KIF16B: variants seen among roughly 807,000 people sequenced by gnomAD.
KIF16B encodes the protein kinesin-like protein KIF16B.
Under a neutral mutation model 156.3 loss-of-function variants are expected in KIF16B, and 98 were observed. The ratio of observed to expected loss-of-function variants is 0.63; its 90% CI spans 0.53 to 0.74. The LOEUF is 0.74. Among genes scored for constraint, KIF16B ranks in the 30% least tolerant of loss-of-function variants. KIF16B has a pLI of 0.00. For synonymous variants in KIF16B, 564 were observed against 583.7 expected, an observed-to-expected ratio of 0.97 and a Z score of 0.49; for missense variants, 1,421 against 1,606.5, an observed-to-expected ratio of 0.88 and a Z score of 1.97.
chr20:16,343,815 A>G (rs2064183275), intron 23 of KIF16B, among the ~76,000 whole-genome samples: 1 of 152,160 alleles, frequency 6.6e-6, no homozygotes, highest in Non-Finnish European at 1.5e-5. Flanking sequence ...TGCTCCATGG[A>G]GTATGGAAAT....
intron 15 of KIF16B, among the ~76,000 whole-genome samples, chr20:16,424,614 T>C (rs2066308467): frequency 6.6e-6 from 1 of 152,140 alleles, no homozygotes; most frequent in Non-Finnish European, 1.5e-5. Context: ...CCCTCATTCT[T>C]ACATAGTTCA....
Position 16,560,907 on chromosome 20 carries a change from T to A in KIF16B, c.47+12322A>T, listed in dbSNP as rs534479892. Among the ~76,000 whole-genome samples the A allele has an allele frequency of 5.9e-5, 9 of 152,214 alleles. No homozygotes were observed. The South Asian group carries it at 1.5e-3, about 25-fold the overall frequency. On this transcript the variant is annotated intron_variant, in intron 1 of 25. Transcript: ENST00000354981. ...AATCAGATTTTACCAACTTCTTCTC[T>A]GGATAATAAATTCACTTCATCAGTG...
chr20:16,335,121 A>C (rs943818849), intron 24 of KIF16B, among the ~76,000 whole-genome samples: 7 of 151,752 alleles, frequency 4.6e-5, no homozygotes, highest in African/African-American at 1.7e-4. Context: ...GTCATAAAAA[A>C]CCATAAAAAT....
intron 18 of KIF16B, 48 bp downstream of exon 18, chr20:16,381,646 G>A (rs1345437161): frequency 7.0e-7 from 1 of 1,432,288 alleles, no homozygotes. Context: ...TATTAACACA[G>A]GAATCCAGAC....
At chr20:16,343,671 A>G (rs994328838) in intron 23 of KIF16B, among the ~76,000 whole-genome samples, 1 of 152,214 alleles carries the variant, frequency 6.6e-6, no homozygotes, top group Non-Finnish European at 1.5e-5. Context: ...ATATATTCCT[A>G]AAGAACATGC....
At chr20:16,286,328 T>C (rs929383683) in intron 25 of KIF16B, among the ~76,000 whole-genome samples, 3 of 152,290 alleles carry the variant, frequency 2.0e-5, no homozygotes, top group African/African-American at 7.2e-5. Context: ...TATTGCCAAA[T>C]TGTTTTCCGT....
rs569508047 is a variant in KIF16B, at chr20:16,557,540, G to A, written c.47+15689C>T. On this transcript the variant is annotated intron_variant, in intron 1 of 25. Transcript: ENST00000354981. ...AGTCATCACAGTAACACCAGAGGAA[G>A]AGGGCAAGAAGGGAGGACTATTAAA... 7.9e-5 allele frequency among the ~76,000 whole-genome samples: 12 copies of A among 152,282 alleles called. No homozygotes were observed. The South Asian group carries it at 2.3e-3, about 29-fold the overall frequency.
intron 12 of KIF16B, among the ~76,000 whole-genome samples, chr20:16,486,975 C>T (rs1366443557): frequency 6.6e-6 from 1 of 152,094 alleles, no homozygotes; most frequent in African/African-American, 2.4e-5. Flanking sequence ...GCATTTAGGC[C>T]AGGCACCATG....
chr20:16,326,016 T>A (rs1477433772), intron 24 of KIF16B, among the ~76,000 whole-genome samples: 1 of 152,134 alleles, frequency 6.6e-6, no homozygotes, highest in Non-Finnish European at 1.5e-5. Flanking sequence ...CCAACTGATC[T>A]TTGACAAAGC....
chr20:16,538,562 G>A (rs1420479919), intron 1 of KIF16B, among the ~76,000 whole-genome samples: 2 of 152,046 alleles, frequency 1.3e-5, no homozygotes, highest in African/African-American at 4.8e-5. Context: ...TGAACCAGCT[G>A]GAGTACATAT....
chr20:16,472,349 T>C (rs1315496002), intron 12 of KIF16B, among the ~76,000 whole-genome samples: 2 of 151,868 alleles, frequency 1.3e-5, no homozygotes, highest in Non-Finnish European at 2.9e-5. Context: ...ATTATTCCAG[T>C]GAGGTGGAAA....
At chr20:16,312,664 T>C (rs1222125431) in intron 24 of KIF16B, among the ~76,000 whole-genome samples, 2 of 152,174 alleles carry the variant, frequency 1.3e-5, no homozygotes, top group African/African-American at 2.4e-5. Context: ...GAAGAATGAA[T>C]CTGATTCTCA....
intron 25 of KIF16B, among the ~76,000 whole-genome samples, chr20:16,300,303 C>T (rs955160638): frequency 3.3e-5 from 5 of 152,072 alleles, no homozygotes; most frequent in Admixed American, 6.6e-5. Context: ...ATGAGTGAGC[C>T]ACTTCTAATA....
At chr20:16,385,079 C>T (rs1176901699) in intron 17 of KIF16B, among the ~76,000 whole-genome samples, 1 of 151,908 alleles carries the variant, frequency 6.6e-6, no homozygotes, top group Non-Finnish European at 1.5e-5. Flanking sequence ...CACCTGTAAT[C>T]CCAGCTACTC....
At chr20:16,328,733 C>G (rs2063898615) in intron 24 of KIF16B, among the ~76,000 whole-genome samples, 1 of 152,090 alleles carries the variant, frequency 6.6e-6, no homozygotes, top group Non-Finnish European at 1.5e-5. Flanking sequence ...GCTGTGAAGT[C>G]CAAGATCAGG....
chr20:16,317,000 A>C (rs1312188213), intron 24 of KIF16B, among the ~76,000 whole-genome samples: 1 of 152,210 alleles, frequency 6.6e-6, no homozygotes, highest in Admixed American at 6.5e-5. Flanking sequence ...AAAGGTTCAG[A>C]GAAGATGTGA....
At chr20:16,477,039 G>A (rs892763968) in intron 12 of KIF16B, among the ~76,000 whole-genome samples, 2 of 152,104 alleles carry the variant, frequency 1.3e-5, no homozygotes, top group Admixed American at 6.5e-5. Context: ...GAGCCACTGC[G>A]CCGGGCCTGG....
intron 3 of KIF16B, among the ~76,000 whole-genome samples, chr20:16,521,854 G>A (rs2069364251): frequency 6.6e-6 from 1 of 152,198 alleles, no homozygotes; most frequent in Admixed American, 6.5e-5. Flanking sequence ...AGAAGAGATT[G>A]GGGGCCAATA....
intron 25 of KIF16B, among the ~76,000 whole-genome samples, chr20:16,273,928 A>C (rs1007897303): frequency 9.9e-5 from 15 of 152,208 alleles, no homozygotes; most frequent in Admixed American, 2.6e-4. Flanking sequence ...GCACTGTCTC[A>C]GATCTACAGC....
Sources: gnomAD v4.1 joint callset for allele counts (sites outside exome capture counted in the v4.1 genomes callset) on GRCh38, gnomAD v4.1.1 for gene constraint, MANE v1.5 for transcripts, NCBI Gene and HGNC (gene_info 2026-07-23, HGNC 2026-07-21) for gene names.